The following GABRE variants were observed in gnomAD, a reference collection of about 807,000 sequenced individuals.
GABRE encodes gamma-aminobutyric acid receptor subunit epsilon.
Under a neutral mutation model 31.0 loss-of-function variants are expected in GABRE, and 20 were observed. That is an observed-to-expected ratio of 0.64 (90% confidence interval 0.45 to 0.94). GABRE has a LOEUF of 0.94. Among genes scored for constraint, GABRE ranks in the 40% least tolerant of loss-of-function variants. The pLI is 0.00. For synonymous variants in GABRE, 155 were observed against 150.6 expected (o/e 1.03, Z -0.21); for missense variants, 420 against 410.7 (o/e 1.02, Z -0.20).
chrX:151,959,205 C>T, intron 6 of GABRE: 1 of 262,231 alleles, frequency 3.8e-6, no homozygotes, highest in South Asian at 3.7e-5. Flanking sequence ...TGTAAGATAC[C>T]CAGGACCTTC....
In GABRE at chrX:151,970,202, A is replaced by C. The variant is rs761611261; in HGVS notation, c.257T>G (p.Leu86Arg). ...CTCCTCACCTCCAATGCCAGGGCGC[A>C]GTTTGTGGTCATAATTACTCAGGAT... ...NTILSNYDHK[L>R]RPGIGEKPTV... is the part of the protein sequence containing the mutation. Residue 86 changes from leucine (L) to arginine (R), a missense_variant, in exon 2 of 9, where the codon CTG (leucine) becomes CGG (arginine). Transcript: ENST00000370328. 7 of 1,210,131 alleles carry C rather than the reference A, an allele frequency of 5.8e-6. No individual in the cohort carries two copies. In the African/African-American group the frequency reaches 1.2e-4, roughly 21 times the overall value.
In GABRE at chrX:151,955,505, C is replaced by A. The variant is rs1194134880; in HGVS notation, c.1000G>T (p.Val334Phe). The A allele has an allele frequency of 4.1e-6, 5 of 1,210,294 alleles. No individual in the cohort carries two copies. In the Admixed American group the frequency reaches 8.7e-5, roughly 21 times the overall value. The change falls in exon 8 of 9, where the codon GTC (valine) becomes TTC (phenylalanine). Residue 334 changes from valine to phenylalanine, a missense_variant. Physicochemically the swap from Val to Phe is conservative, Grantham distance 50. Coordinates refer to ENST00000370328, the MANE Select transcript of GABRE (RefSeq NM_004961.4). Reference sequence around the variant, plus strand: ...AAATCCAAGGCTGTGATATAGGAGACACGCGGGAAATTCTTACGAGAAAAG... The same window carrying A: ...AAATCCAAGGCTGTGATATAGGAGAAACGCGGGAAATTCTTACGAGAAAAG... ...GTFSRKNFPR[V>F]SYITALDFYI...
At chrX:151,973,845 T>C (rs1048540706) in intron 1 of GABRE, among the ~76,000 whole-genome samples, 1 of 110,702 alleles carries the variant, frequency 9.0e-6, no homozygotes, top group South Asian at 3.9e-4. Flanking sequence ...CAGAGGAGAA[T>C]AATATTCCTG....
At chrX:151,957,345 G>T (rs1934204191) in intron 6 of GABRE, 1 of 264,327 alleles carries the variant, frequency 3.8e-6, no homozygotes, top group Admixed American at 4.6e-5. Flanking sequence ...AGGCAAGGGA[G>T]CGACCTGTTG....
intron 1 of GABRE, 65 bp downstream of exon 1, chrX:151,974,505 G>A: frequency 1.0e-5 from 7 of 692,580 alleles, no homozygotes; most frequent in Non-Finnish European, 1.4e-5. Flanking sequence ...CCCGGGAGCC[G>A]TCCCGGCTCC....
In GABRE at chrX:151,954,529, A is replaced by C. The variant is rs7060135; in HGVS notation, c.*172T>G. The C allele has an allele frequency of 0.011, 4,925 of 431,303 alleles. 178 individuals carry two copies. The highest frequency in any genetic ancestry group is 0.1 in the African/African-American group (4,162 of 39,795). The allele number at this position is 431,303 out of a possible 1,213,427, so 35.5% of individuals were successfully genotyped here. On this transcript the variant is annotated 3_prime_UTR_variant, in exon 9 of 9. Coordinates refer to ENST00000370328, the MANE Select transcript of GABRE (RefSeq NM_004961.4). ...AGAAGACTCAGTGAATGGGCCAGGT[A>C]GGGGAGAGGGGCAGCAAAGACAAAC... is the stretch of plus-strand genomic sequence containing the variant.
At chrX:151,970,442 T>A (rs749043865) in intron 1 of GABRE, 40 bp from the exon 2 acceptor site, 12 of 1,176,150 alleles carry the variant, frequency 1.0e-5, no homozygotes, top group Admixed American at 2.4e-5. Flanking sequence ...TGCCCTGCAC[T>A]CTGTAGGGGC....
Position 151,969,582 on chromosome X carries a change from G to T in GABRE, c.342+87C>A, listed in dbSNP as rs1296927646. 21 of 912,977 alleles carry T rather than the reference G, an allele frequency of 2.3e-5. No homozygotes were observed. In the East Asian group the frequency reaches 5.4e-4, roughly 24 times the overall value. 75.2% of individuals were successfully genotyped at this position (912,977 alleles called of 1,213,427 possible). ...ATAAATTATTGGAGTTGTTACAGAAGTACAGAGCAGAAAGCAGAAGTCTGT... is the reference window on the plus strand; with the variant it reads ...ATAAATTATTGGAGTTGTTACAGAATTACAGAGCAGAAAGCAGAAGTCTGT... On this transcript the variant is annotated intron_variant, in intron 3 of 8. Coordinates refer to ENST00000370328, the MANE Select transcript of GABRE (RefSeq NM_004961.4).
In GABRE at chrX:151,955,100, A is replaced by G; in HGVS notation, c.1138-16T>C. The G allele has an allele frequency of 8.3e-7, 1 of 1,200,107 alleles. No homozygotes were observed. Among genetic ancestry groups the G allele is most frequent in the South Asian group, 1.8e-5 (1 of 54,939 alleles). On this transcript the variant is annotated splice_polypyrimidine_tract_variant and intron_variant, in intron 8 of 8. Transcript: ENST00000370328. ...TGATACGAGGCTAAAATGGACAAGG[A>G]AAGAAGTGGGGAAAAGTCAAGGGAA...
chrX:151,960,842 G>A (rs12838849), intron 5 of GABRE, among the ~76,000 whole-genome samples: 40,800 of 110,534 alleles, frequency 0.37, 5,801 homozygotes, highest in African/African-American at 0.5. Flanking sequence ...GAGGGAGAGG[G>A]AACATCAAAG....
chrX:151,973,441 G>C (rs1215594865), intron 1 of GABRE, among the ~76,000 whole-genome samples: 1 of 111,208 alleles, frequency 9.0e-6, no homozygotes, highest in Non-Finnish European at 1.9e-5. Context: ...AGCTCCTGCT[G>C]AGGCTAGCCC....
chrX:151,970,471 G>C, intron 1 of GABRE, 69 bp from the exon 2 acceptor site: 6 of 1,122,107 alleles, frequency 5.3e-6, no homozygotes, highest in Non-Finnish European at 4.7e-6. Flanking sequence ...GTGCCTCTTG[G>C]GACAGAAGCA....
chrX:151,972,187 G>C, intron 1 of GABRE: 61 of 753,845 alleles, frequency 8.1e-5, no homozygotes, highest in Non-Finnish European at 9.2e-5. Context: ...ATTTCAAGCT[G>C]TTAGAATTGC....
chrX:151,965,179 T>C (rs73618907), intron 3 of GABRE, among the ~76,000 whole-genome samples: 4,454 of 111,692 alleles, frequency 0.04, 215 homozygotes, highest in African/African-American at 0.14. Flanking sequence ...AGGAGTGTTT[T>C]GAGTCACAAG....
chrX:151,972,753 A>C, intron 1 of GABRE: 5 of 591,605 alleles, frequency 8.5e-6, no homozygotes, highest in Non-Finnish European at 6.1e-6. Context: ...AACAAAACAA[A>C]ACCTCATCTT....
At chrX:151,959,635 A>T (rs747858567) in intron 6 of GABRE, 8 of 536,671 alleles carry the variant, frequency 1.5e-5, no homozygotes, top group Non-Finnish European at 2.4e-5. Flanking sequence ...TTGGCAAAGC[A>T]CTTACTTCTT....
rs1290388324 is a variant in GABRE, at chrX:151,959,955, A to C, written c.668T>G (p.Met223Arg). ...CTTGAAATTTTCCCACTTGTAGATCATCTCATTCTCAGGATAGGAAACTGG... is the reference window on the plus strand; with the variant it reads ...CTTGAAATTTTCCCACTTGTAGATCCTCTCATTCTCAGGATAGGAAACTGG... Reference protein sequence around the residue: ...FSSFSYPENEMIYKWENFKLE... With the variant: ...FSSFSYPENERIYKWENFKLE... Residue 223 changes from methionine to arginine, a missense_variant, in exon 6 of 9, where the codon ATG becomes AGG. By Grantham distance (91) the Met-to-Arg change is moderately conservative. Coordinates refer to ENST00000370328, the MANE Select transcript of GABRE (RefSeq NM_004961.4). The C allele has an allele frequency of 9.9e-6, 12 of 1,210,075 alleles. No individual in the cohort carries two copies. The highest frequency in any genetic ancestry group is 1.1e-5 in the Non-Finnish European group (10 of 894,575).
At chrX:151,967,718 C>T (rs909098628) in intron 3 of GABRE, among the ~76,000 whole-genome samples, 3 of 112,578 alleles carry the variant, frequency 2.7e-5, no homozygotes, top group African/African-American at 9.7e-5. Context: ...AGGGAAGAGT[C>T]AAGAAAACCC....
intron 3 of GABRE, among the ~76,000 whole-genome samples, chrX:151,964,634 C>A (rs1354335227): frequency 2.7e-5 from 3 of 110,990 alleles, no homozygotes; most frequent in African/African-American, 9.9e-5. Flanking sequence ...ATCAAAGATC[C>A]CAGCTCAAAA....
Sources: gnomAD v4.1 joint callset for allele counts (sites outside exome capture counted in the v4.1 genomes callset) on GRCh38, gnomAD v4.1.1 for gene constraint, MANE v1.5 for transcripts, NCBI Gene and HGNC (gene_info 2026-07-23, HGNC 2026-07-21) for gene names.